Variants in HELQ observed in about 807,000 individuals in gnomAD.
HELQ encodes helicase POLQ-like.
A neutral mutation model predicts 111.6 loss-of-function variants in HELQ; 77 were observed. That is an observed-to-expected ratio of 0.69 (90% confidence interval 0.57 to 0.83). The LOEUF (loss-of-function observed/expected upper bound fraction) is 0.83, where lower values mean the gene tolerates loss of function less well. Ranked by LOEUF, HELQ falls within the 40% of genes least tolerant of loss-of-function variation. The probability of loss-of-function intolerance (pLI) is 0.00; values close to 1 mark genes in which losing one functional copy is unlikely to be tolerated. For missense variants in HELQ, 1,200 were observed against 1,288.5 expected, an observed-to-expected ratio of 0.93 and a Z score of 1.05; for synonymous variants, 438 against 454.7, an observed-to-expected ratio of 0.96 and a Z score of 0.47.
intron 17 of HELQ, among the ~76,000 whole-genome samples, chr4:83,413,866 T>C (rs1373695087): frequency 6.6e-6 from 1 of 152,238 alleles, no homozygotes; most frequent in Non-Finnish European, 1.5e-5. Flanking sequence ...GTTGGTCATG[T>C]GAGTGAGTCA....
rs531757367 is a variant in HELQ at position 83,428,456 on chromosome 4, G to A, written c.2519-736C>T. Among the ~76,000 whole-genome samples the A allele has an allele frequency of 9.6e-4, 146 of 152,182 alleles. 1 individual carries two copies. The highest frequency in any genetic ancestry group is 1.7e-3 in the Non-Finnish European group (117 of 68,026). ...TGCCCCTGTAGTCCCAGCTACTTGCGGGGCTGAGGTGGGAGAATCATTTGA... is the reference window on the plus strand; with the variant it reads ...TGCCCCTGTAGTCCCAGCTACTTGCAGGGCTGAGGTGGGAGAATCATTTGA... On this transcript the variant is annotated intron_variant, in intron 12 of 17. Transcript: ENST00000295488.
intron 3 of HELQ, among the ~76,000 whole-genome samples, chr4:83,447,913 G>A (rs1027987787): frequency 1.3e-5 from 2 of 149,980 alleles, no homozygotes; most frequent in Non-Finnish European, 1.5e-5. Flanking sequence ...GTTTCTGCTT[G>A]AAAAAGCAAG....
chr4:83,447,521 C>G (rs191012063), intron 3 of HELQ, among the ~76,000 whole-genome samples: 27 of 152,232 alleles, frequency 1.8e-4, no homozygotes, highest in African/African-American at 6.3e-4. Flanking sequence ...ATAAATGCAA[C>G]TTCTAAAATA....
chr4:83,455,270 T>C, intron 1 of HELQ, 127 bp downstream of exon 1: 2 of 1,510,352 alleles, frequency 1.3e-6, no homozygotes, highest in Non-Finnish European at 1.8e-6. Context: ...AATCAATACC[T>C]CCTAAGTGCC....
intron 3 of HELQ, among the ~76,000 whole-genome samples, chr4:83,448,027 T>C (rs969446755): frequency 2.6e-5 from 4 of 151,844 alleles, no homozygotes; most frequent in Non-Finnish European, 5.9e-5. Context: ...CTGTCCAACA[T>C]GATGAAAACC....
Position 83,421,557 on chromosome 4 carries a change from A to G in HELQ, c.2949+6T>C. On this transcript the variant is annotated splice_donor_region_variant and intron_variant, in intron 15 of 17. Coordinates refer to ENST00000295488, the MANE Select transcript of HELQ (RefSeq NM_133636.5). ...AAAGTACATATCATATATTCAATGAAATTACCTCACAGAAATGTAACACAC... is the reference window on the plus strand; with the variant it reads ...AAAGTACATATCATATATTCAATGAGATTACCTCACAGAAATGTAACACAC... 3 of 1,607,362 alleles carry G rather than the reference A, an allele frequency of 1.9e-6. No individual in the cohort carries two copies. The highest frequency in any genetic ancestry group is 2.6e-6 in the Non-Finnish European group (3 of 1,175,346).
At position 83,436,848 on chromosome 4, in the gene HELQ, T is replaced by G. The variant is rs751698506; in HGVS notation, c.2048+10A>C. On this transcript the variant is annotated intron_variant, in intron 9 of 17. Coordinates refer to ENST00000295488, the MANE Select transcript of HELQ (RefSeq NM_133636.5). ...GTTCTGAGCCTGGTCAACACTTACT[T>G]ATCTCTTACCTTCGAGCTGGTAGGT... 1.2e-5 allele frequency: 20 copies of G among 1,608,926 alleles called. 1 individual carries two copies. In the South Asian group the frequency reaches 1.7e-4, roughly 13 times the overall value.
At position 83,408,736 on chromosome 4, in the gene HELQ, C is replaced by A. The variant is rs191396130; in HGVS notation, c.3199-1176G>T. The stretch of plus-strand genomic sequence containing the variant: ...CCAAAACCAGTTTCTTGAGCTCCCA[C>A]CCAAGTGTTTGCAGAGATCCAGATG... On this transcript the variant is annotated intron_variant, in intron 17 of 17. Transcript: ENST00000295488. 7.3e-4 allele frequency among the ~76,000 whole-genome samples: 110 copies of A among 151,644 alleles called. 1 individual carries two copies. The highest frequency in any genetic ancestry group is 2.5e-3 in the African/African-American group (105 of 41,386).
At chr4:83,427,297 G>GA (rs974899118) in intron 13 of HELQ, among the ~76,000 whole-genome samples, 3 of 151,574 alleles carry the variant, frequency 2.0e-5, no homozygotes, top group African/African-American at 7.3e-5. Flanking sequence ...AAAACTGAAA[G>GA]AAAAAAATAT....
At chr4:83,423,336 A>G (rs1194900821) in intron 14 of HELQ, among the ~76,000 whole-genome samples, 1 of 152,132 alleles carries the variant, frequency 6.6e-6, no homozygotes, top group Non-Finnish European at 1.5e-5. Flanking sequence ...CACCATAGTA[A>G]AAGAATGAAA....
intron 1 of HELQ, 128 bp downstream of exon 1, chr4:83,455,269 C>A: frequency 6.6e-6 from 10 of 1,507,994 alleles, no homozygotes; most frequent in African/African-American, 1.4e-5. Context: ...CAATCAATAC[C>A]TCCTAAGTGC....
intron 17 of HELQ, among the ~76,000 whole-genome samples, chr4:83,412,773 A>G (rs1204744362): frequency 6.6e-6 from 1 of 152,096 alleles, no homozygotes; most frequent in Non-Finnish European, 1.5e-5. Context: ...GCAGTGATCT[A>G]TGATTGTGCC....
At chr4:83,414,801 T>A (rs756865500) in intron 17 of HELQ, among the ~76,000 whole-genome samples, 1 of 152,070 alleles carries the variant, frequency 6.6e-6, no homozygotes, top group Non-Finnish European at 1.5e-5. Flanking sequence ...TAGGCAAACA[T>A]CACTAGTAAA....
chr4:83,418,786 A>G (rs1368096563), intron 15 of HELQ, among the ~76,000 whole-genome samples: 1 of 152,248 alleles, frequency 6.6e-6, no homozygotes, highest in East Asian at 1.9e-4. Flanking sequence ...TGAATGGAAC[A>G]GCATTAGCTA....
At position 83,453,627 on chromosome 4, in the gene HELQ, A is replaced by G; in HGVS notation, c.616T>C (p.Leu206=). 9 of 1,613,248 alleles carry G rather than the reference A, an allele frequency of 5.6e-6. No homozygotes were observed. The highest frequency in any genetic ancestry group is 7.6e-6 in the Non-Finnish European group (9 of 1,179,238). Reference sequence around the variant, plus strand: ...CCCAAATCATTTGAAGAGTTCTGCAAATTTTCAAAGTATATAGCCTGTGAG... The same window carrying G: ...CCCAAATCATTTGAAGAGTTCTGCAGATTTTCAAAGTATATAGCCTGTGAG... ...PSSQAIYFEN[L]QNSSNDLGDH... Residue 206 remains leucine, a synonymous_variant, in exon 2 of 18, where the codon TTG becomes CTG. Transcript: ENST00000295488.
At position 83,439,979 on chromosome 4, in the gene HELQ, A is replaced by C. The variant is rs1720682057; in HGVS notation, c.1692T>G (p.Pro564=). ...CTGTCACCAATGCTACCAAGTGATCAGGATCCATCTTTTTTAGGGTATCAG... is the reference window on the plus strand; with the variant it reads ...CTGTCACCAATGCTACCAAGTGATCCGGATCCATCTTTTTTAGGGTATCAG... The part of the protein sequence containing the change: ...KYSDTLKKMD[P]DHLVALVTEV... Residue 564 remains proline (P), a synonymous_variant, in exon 8 of 18, where the codon CCT becomes CCG. Transcript: ENST00000295488. 1.2e-6 allele frequency: 2 copies of C among 1,611,194 alleles called. No individual in the cohort carries two copies. Among genetic ancestry groups the C allele is most frequent in the Non-Finnish European group, 1.7e-6 (2 of 1,178,438 alleles).
intron 1 of HELQ, among the ~76,000 whole-genome samples, chr4:83,454,760 AG>A (rs1338040857): frequency 2.0e-5 from 3 of 152,126 alleles, no homozygotes; most frequent in South Asian, 4.1e-4. Context: ...CTAAAACAGC[AG>A]GAAGACTGGT....
chr4:83,425,462 G>C (rs1053679932), intron 14 of HELQ, among the ~76,000 whole-genome samples: 1 of 152,134 alleles, frequency 6.6e-6, no homozygotes, highest in African/African-American at 2.4e-5. Context: ...CTTAAAGTTA[G>C]TGTATGCATT....
intron 15 of HELQ, among the ~76,000 whole-genome samples, chr4:83,420,972 A>G (rs1023697154): frequency 6.6e-6 from 1 of 151,874 alleles, no homozygotes; most frequent in African/African-American, 2.4e-5. Context: ...ACGCCTGGCT[A>G]ATTTTTCTTA....
Sources: gnomAD v4.1 joint callset for allele counts (sites outside exome capture counted in the v4.1 genomes callset) on GRCh38, gnomAD v4.1.1 for gene constraint, MANE v1.5 for transcripts, NCBI Gene and HGNC (gene_info 2026-07-23, HGNC 2026-07-21) for gene names.